SOCS7: variants seen among roughly 807,000 people sequenced by gnomAD.
The protein encoded by SOCS7 is NAP-4.
Under a neutral mutation model 58.9 loss-of-function variants are expected in SOCS7, and 18 were observed. The ratio of observed to expected loss-of-function variants is 0.31; its 90% confidence interval spans 0.21 to 0.45. The LOEUF is 0.45. SOCS7 is among the 20% of genes least tolerant of loss of function. The probability of loss-of-function intolerance (pLI) is 1.00; values close to 1 mark genes in which losing one functional copy is unlikely to be tolerated. For synonymous variants in SOCS7, 388 were observed against 364.3 expected (o/e 1.06, Z -0.74); for missense variants, 667 against 837.3 (o/e 0.80, Z 2.51).
chr17:38,387,133 G>GTGTGTGTATATATATATATATATATA (rs1269515665), intron 7 of SOCS7, among the ~76,000 whole-genome samples: 1 of 73,484 alleles, frequency 1.4e-5, no homozygotes, highest in African/African-American at 7.0e-5. Context: ...ATATATGTAT[G>GTGTGTGTATATATATATATATATATA]TATATATATA....
Position 38,352,802 on chromosome 17 carries a change from G to GCAA in SOCS7, c.752_754dup (p.Gln251dup), listed in dbSNP as rs777788801. 55 of 1,553,038 alleles carry GCAA rather than the reference G, an allele frequency of 3.5e-5. No individual in the cohort carries two copies. In the East Asian group the frequency reaches 4.1e-4, roughly 12 times the overall value. On this transcript the variant is annotated inframe_insertion, in exon 1 of 10. Transcript: ENST00000612932. This position sits in a 1 kb window ranked among gnomAD's most constrained non-coding sequence, Gnocchi z 5.5. ...GGGAGCAGCAGCAGCAGCAGCAGCA[G>GCAA]CAACCTCCCCCGCCCCCGCCTCCTC...
intron 7 of SOCS7, among the ~76,000 whole-genome samples, chr17:38,380,262 C>T (rs572373861): frequency 6.6e-6 from 1 of 152,220 alleles, no homozygotes; most frequent in East Asian, 1.9e-4. Context: ...ATGCCAGGTA[C>T]TTGGCCAGGC....
At position 38,391,801 on chromosome 17, in the gene SOCS7, A is replaced by G. The variant is rs2038176222; in HGVS notation, c.1682-3508A>G. ...TATTCTCTTTTTACTTACACTGTTA[A>G]GAAAATGAGATCTGGAATGTGAAAC... On this transcript the variant is annotated intron_variant, in intron 7 of 9. Coordinates refer to ENST00000612932, the MANE Select transcript of SOCS7 (RefSeq NM_014598.4). Among the ~76,000 whole-genome samples the G allele has an allele frequency of 2.0e-5, 3 of 152,196 alleles. No individual in the cohort carries two copies. The South Asian group carries it at 6.2e-4, about 31-fold the overall frequency.
intron 6 of SOCS7, among the ~76,000 whole-genome samples, chr17:38,371,384 C>T (rs1481109274): frequency 6.6e-6 from 1 of 152,062 alleles, no homozygotes; most frequent in African/African-American, 2.4e-5. Flanking sequence ...AGGCAATTCT[C>T]CTGCCTCAGC....
intron 6 of SOCS7, among the ~76,000 whole-genome samples, chr17:38,377,456 C>T (rs1567744492): frequency 1.3e-5 from 2 of 152,148 alleles, no homozygotes; most frequent in Non-Finnish European, 2.9e-5. Flanking sequence ...TGGTCTCAAG[C>T]ATTTCGGATA....
At chr17:38,395,063 A>G (rs968275467) in intron 7 of SOCS7, among the ~76,000 whole-genome samples, 3 of 152,196 alleles carry the variant, frequency 2.0e-5, no homozygotes, top group Admixed American at 6.5e-5. Flanking sequence ...AAACAAAACA[A>G]AAGACACACA....
intron 7 of SOCS7, among the ~76,000 whole-genome samples, chr17:38,392,523 G>T (rs987001014): frequency 6.6e-6 from 1 of 152,144 alleles, no homozygotes; most frequent in African/African-American, 2.4e-5. Context: ...ATTCAAAGAG[G>T]CATTTGAACC....
At chr17:38,371,618 C>A (rs554046660) in intron 6 of SOCS7, among the ~76,000 whole-genome samples, 1 of 149,538 alleles carries the variant, frequency 6.7e-6, no homozygotes, top group Admixed American at 6.7e-5. Flanking sequence ...GCATGAACCA[C>A]CATGCCCGGC....
chr17:38,359,571 G>A (rs1398447146), intron 1 of SOCS7, among the ~76,000 whole-genome samples: 1 of 152,014 alleles, frequency 6.6e-6, no homozygotes, highest in Non-Finnish European at 1.5e-5. Context: ...TTTCATTTTG[G>A]ATTTTCTTTG....
intron 7 of SOCS7, among the ~76,000 whole-genome samples, chr17:38,386,997 AAT>A (rs1567748967): frequency 6.9e-6 from 1 of 145,936 alleles, no homozygotes; most frequent in Non-Finnish European, 1.5e-5. Context: ...GAGGCAGGAG[AAT>A]GGTGTGAATC....
intron 2 of SOCS7, 49 bp downstream of exon 2, chr17:38,361,824 C>T: frequency 7.3e-7 from 1 of 1,365,482 alleles, no homozygotes; most frequent in Non-Finnish European, 1.0e-6. Context: ...CAGGGGCGTT[C>T]TGAGACCTGT....
chr17:38,375,277 C>G (rs1476426455), intron 6 of SOCS7, among the ~76,000 whole-genome samples: 1 of 152,118 alleles, frequency 6.6e-6, no homozygotes, highest in Non-Finnish European at 1.5e-5. Flanking sequence ...TCTCCTACTT[C>G]CCCTTCCACC....
chr17:38,376,197 G>A (rs901623516), intron 6 of SOCS7, among the ~76,000 whole-genome samples: 5 of 152,074 alleles, frequency 3.3e-5, no homozygotes, highest in Non-Finnish European at 5.9e-5. Flanking sequence ...ACAAATGGCC[G>A]GAGCCTATCC....
At chr17:38,366,095 C>A in intron 4 of SOCS7, 192 bp from the exon 5 acceptor site, 1 of 1,244,676 alleles carries the variant, frequency 8.0e-7, no homozygotes, top group Non-Finnish European at 1.1e-6. Flanking sequence ...TCCTTCACAG[C>A]TTACACAAGC....
chr17:38,370,233 C>G (rs971909994), intron 6 of SOCS7, among the ~76,000 whole-genome samples: 9 of 152,110 alleles, frequency 5.9e-5, no homozygotes, highest in African/African-American at 2.2e-4. Flanking sequence ...CCTAGCCTCA[C>G]GTGATCTGCC....
intron 9 of SOCS7, among the ~76,000 whole-genome samples, chr17:38,397,167 A>G (rs2038255260): frequency 6.6e-6 from 1 of 152,220 alleles, no homozygotes; most frequent in South Asian, 2.1e-4. Flanking sequence ...AAGAAATGTG[A>G]TTAACCCAGA....
rs1299200402 is a variant in SOCS7 at position 38,395,959 on chromosome 17, C to T, written c.1929C>T (p.Pro643=). The change falls in exon 9 of 10, where the codon CCC becomes CCT. Residue 643 remains proline (P), a synonymous_variant. Coordinates refer to ENST00000612932, the MANE Select transcript of SOCS7 (RefSeq NM_014598.4). The stretch of plus-strand genomic sequence containing the variant: ...CCAAACAGAAGCAAGAGGTGGAACC[C>T]TCCACGTAGCGAGGGGCTCCCTGCT... ...LISKQKQEVE[P]ST 5.4e-5 allele frequency: 87 copies of T among 1,604,770 alleles called. No homozygotes were observed. The highest frequency in any genetic ancestry group is 6.9e-5 in the Non-Finnish European group (81 of 1,177,882).
At chr17:38,377,907 A>G in intron 7 of SOCS7, 65 bp downstream of exon 7, 1 of 1,506,396 alleles carries the variant, frequency 6.6e-7, no homozygotes, top group East Asian at 2.3e-5. Context: ...GTGTCAAAAA[A>G]CACCATCCCC....
intron 5 of SOCS7, 32 bp from the exon 6 acceptor site, chr17:38,367,850 A>G (rs1555568612): frequency 6.2e-7 from 1 of 1,602,950 alleles, no homozygotes. Context: ...CTCTGTCCTG[A>G]TAACTAGTGG....
Sources: gnomAD v4.1 joint callset for allele counts (sites outside exome capture counted in the v4.1 genomes callset) on GRCh38, gnomAD v4.1.1 for gene constraint, Gnocchi (gnomAD v3.1) non-coding constraint, MANE v1.5 for transcripts, NCBI Gene and HGNC (gene_info 2026-07-23, HGNC 2026-07-21) for gene names.